ANO2: variants seen among roughly 807,000 people sequenced by gnomAD.
ANO2 encodes anoctamin-2.
Under a neutral mutation model 124.2 loss-of-function variants are expected in ANO2, and 101 were observed. That is an observed-to-expected ratio of 0.81 (90% CI 0.69 to 0.96). The LOEUF (loss-of-function observed/expected upper bound fraction) is 0.96. ANO2 is among the 40% of genes least tolerant of loss of function. The probability of loss-of-function intolerance (pLI) is 0.00; values close to 1 mark genes in which losing one functional copy is unlikely to be tolerated. For synonymous variants in ANO2, 486 were observed against 482.5 expected (o/e 1.01, Z -0.09); for missense variants, 1,293 against 1,274.5 (o/e 1.01, Z -0.22).
In ANO2 at chr12:5,647,879, T is replaced by C. The variant is rs78655014; in HGVS notation, c.1546-78A>G. 3.1e-3 allele frequency: 3,213 copies of C among 1,045,774 alleles called. 75 individuals carry two copies. In the African/African-American group the frequency reaches 0.045, roughly 15 times the overall value. The allele number at this position is 1,045,774 out of a possible 1,614,324, so 64.8% of individuals were successfully genotyped here. On this transcript the variant is annotated intron_variant, in intron 14 of 24. Coordinates refer to ENST00000682330, the MANE Select transcript of ANO2 (RefSeq NM_001364791.2). ...TAATTTGCTCTCATTTGCATATATT[T>C]GCATGCGATTGATCATTATCACTCT...
At chr12:5,770,632 C>T (rs930854781) in intron 10 of ANO2, among the ~76,000 whole-genome samples, 3 of 152,204 alleles carry the variant, frequency 2.0e-5, no homozygotes, top group African/African-American at 7.2e-5. Flanking sequence ...TGGCCAAACA[C>T]GGTCCCTGCA....
intron 1 of ANO2, among the ~76,000 whole-genome samples, chr12:5,940,547 A>G (rs7314078): frequency 0.38 from 57,198 of 152,040 alleles, 12,127 homozygotes; most frequent in East Asian, 0.79. Flanking sequence ...TCTTGCTCCT[A>G]GGTTCAGGCA....
At chr12:5,811,841 T>C (rs988719105) in intron 7 of ANO2, among the ~76,000 whole-genome samples, 3 of 152,156 alleles carry the variant, frequency 2.0e-5, no homozygotes, top group Non-Finnish European at 2.9e-5. Context: ...CTGAATGTGA[T>C]GGGCATTAAT....
intron 3 of ANO2, among the ~76,000 whole-genome samples, chr12:5,896,280 A>C (rs1483250029): frequency 6.6e-6 from 1 of 152,160 alleles, no homozygotes; most frequent in Non-Finnish European, 1.5e-5. Flanking sequence ...AAAAATATTA[A>C]TCAAAACAAA....
chr12:5,568,222 C>A (rs1026064716), intron 23 of ANO2, among the ~76,000 whole-genome samples: 4 of 150,554 alleles, frequency 2.7e-5, no homozygotes, highest in Admixed American at 2.7e-4. Context: ...TCACTGCAAC[C>A]TCCGCCTCCC....
chr12:5,717,926 G>A (rs1950081048), intron 14 of ANO2, among the ~76,000 whole-genome samples: 2 of 152,158 alleles, frequency 1.3e-5, no homozygotes, highest in South Asian at 4.1e-4. Context: ...TCTCACTTGG[G>A]CTGCCCCATC....
At chr12:5,812,383 GA>G (rs756400406) in intron 7 of ANO2, among the ~76,000 whole-genome samples, 34,873 of 130,828 alleles carry the variant, frequency 0.27, 5,463 homozygotes, top group Non-Finnish European at 0.33. Context: ...AAGAAAGAAA[GA>G]AAGAAGGGAA....
At chr12:5,599,461 A>G in intron 20 of ANO2, 23 bp downstream of exon 20, 1 of 1,580,770 alleles carries the variant, frequency 6.3e-7, no homozygotes, top group Non-Finnish European at 8.6e-7. Flanking sequence ...CCCCCAGTGG[A>G]AGGCAGGACC....
Position 5,879,011 on chromosome 12 carries a change from C to G in ANO2, c.535-24870G>C, listed in dbSNP as rs573076947. Among the ~76,000 whole-genome samples the G allele has an allele frequency of 2.3e-4, 35 of 152,300 alleles. 1 individual carries two copies. Among genetic ancestry groups the G allele is most frequent in the South Asian group, 4.1e-4 (2 of 4,824 alleles). On this transcript the variant is annotated intron_variant, in intron 3 of 24. Coordinates refer to ENST00000682330, the MANE Select transcript of ANO2 (RefSeq NM_001364791.2). Reference sequence around the variant, plus strand: ...ACCATCAGGAACACTAAAAGTGGGACAGTTGGTGCGTCTACAAGTGTGGAA... The same window carrying G: ...ACCATCAGGAACACTAAAAGTGGGAGAGTTGGTGCGTCTACAAGTGTGGAA...
chr12:5,593,556 A>G (rs1286922974), intron 20 of ANO2, among the ~76,000 whole-genome samples: 4 of 152,230 alleles, frequency 2.6e-5, no homozygotes, highest in Non-Finnish European at 5.9e-5. Context: ...CTCACAGTAC[A>G]GGAAGAACCT....
intron 3 of ANO2, among the ~76,000 whole-genome samples, chr12:5,889,018 A>G (rs991640395): frequency 2.6e-5 from 4 of 152,228 alleles, no homozygotes; most frequent in African/African-American, 7.2e-5. Context: ...GGCAGGCTGC[A>G]GGTCCCAAAC....
At chr12:5,663,487 T>C (rs541687090) in intron 14 of ANO2, among the ~76,000 whole-genome samples, 17 of 152,204 alleles carry the variant, frequency 1.1e-4, no homozygotes, top group African/African-American at 3.9e-4. Context: ...GGTCTTAGCA[T>C]TGGAGAGCAG....
chr12:5,696,781 T>C (rs1342173290), intron 14 of ANO2, among the ~76,000 whole-genome samples: 2 of 152,178 alleles, frequency 1.3e-5, no homozygotes, highest in Non-Finnish European at 2.9e-5. Flanking sequence ...AACGACCAAG[T>C]TGGCTTCTGT....
chr12:5,830,498 A>G lies in ANO2; in HGVS notation c.786-9T>C, dbSNP rs1954116568. On this transcript the variant is annotated splice_polypyrimidine_tract_variant and intron_variant, in intron 5 of 24. Coordinates refer to ENST00000682330, the MANE Select transcript of ANO2 (RefSeq NM_001364791.2). ...TTTCCTGGATGTTGTACCTGGAGAC[A>G]CCAAGAGAGCAGATGGCAAATTCAT... 1.9e-6 allele frequency: 3 copies of G among 1,609,958 alleles called. No individual in the cohort carries two copies. Among genetic ancestry groups the G allele is most frequent in the Admixed American group, 3.4e-5 (2 of 59,568 alleles).
At chr12:5,571,494 C>T (rs1942117226) in intron 23 of ANO2, among the ~76,000 whole-genome samples, 1 of 152,160 alleles carries the variant, frequency 6.6e-6, no homozygotes, top group African/African-American at 2.4e-5. Context: ...TTTTATTTGA[C>T]CACATTTATC....
intron 14 of ANO2, among the ~76,000 whole-genome samples, chr12:5,705,814 C>T (rs755450834): frequency 3.9e-5 from 6 of 152,224 alleles, no homozygotes; most frequent in Non-Finnish European, 5.9e-5. Flanking sequence ...TGACAATCTC[C>T]TCTACCCAGC....
At position 5,921,046 on chromosome 12, in the gene ANO2, G is replaced by C. The variant is rs757053991; in HGVS notation, c.528C>G (p.Asp176Glu). ...GGCCACCCGCCTGACTCACCTCCAA[G>C]TCCTTCTCAAGCTCCAGTCCAGCCT... is the stretch of plus-strand genomic sequence containing the variant. The part of the protein sequence containing the change: ...LMEAGLELEK[D>E]LENKSQGSIF... Residue 176 changes from aspartate to glutamate, a missense_variant, in exon 3 of 25, where the codon GAC (aspartate) becomes GAG (glutamate). Coordinates refer to ENST00000682330, the MANE Select transcript of ANO2 (RefSeq NM_001364791.2). 3 of 1,606,312 alleles carry C rather than the reference G, an allele frequency of 1.9e-6. No homozygotes were observed. The highest frequency in any genetic ancestry group is 2.6e-6 in the Non-Finnish European group (3 of 1,173,742).
Position 5,779,864 on chromosome 12 carries a change from G to A in ANO2, c.1055+19643C>T, listed in dbSNP as rs538765704. 1.7e-4 allele frequency among the ~76,000 whole-genome samples: 26 copies of A among 152,206 alleles called. 1 individual carries two copies. In the South Asian group the frequency reaches 3.9e-3, roughly 23 times the overall value. On this transcript the variant is annotated intron_variant, in intron 10 of 24. Transcript: ENST00000682330. ...CAAAAATTTCAATGTCATGAAAGAC[G>A]AAGAAAGGATTCCAGATTGAAGGAG...
chr12:5,877,045 T>C (rs572259531), intron 3 of ANO2, among the ~76,000 whole-genome samples: 1 of 152,318 alleles, frequency 6.6e-6, no homozygotes, highest in East Asian at 1.9e-4. Flanking sequence ...CAAATGGTTA[T>C]TGAAGTGGGT....
Sources: gnomAD v4.1 joint callset for allele counts (sites outside exome capture counted in the v4.1 genomes callset) on GRCh38, gnomAD v4.1.1 for gene constraint, MANE v1.5 for transcripts, NCBI Gene and HGNC (gene_info 2026-07-23, HGNC 2026-07-21) for gene names.